SLC13A3: variants seen among roughly 807,000 people sequenced by gnomAD.
The protein encoded by SLC13A3 is solute carrier family 13 member 3, also known as Na(+)/dicarboxylate cotransporter 3.
SLC13A3 carries 40 observed loss-of-function variants against 59.0 expected under a neutral mutation model. The ratio of observed to expected loss-of-function variants is 0.68; its 90% CI spans 0.53 to 0.88. The LOEUF (loss-of-function observed/expected upper bound fraction) is 0.88, where lower values mean the gene tolerates loss of function less well. SLC13A3 is among the 40% of genes least tolerant of loss of function. The pLI, the probability that SLC13A3 is intolerant of heterozygous loss-of-function variation, is 0.00. For missense variants in SLC13A3, 699 were observed against 783.2 expected, an observed-to-expected ratio of 0.89 and a Z score of 1.28; for synonymous variants, 317 against 330.3, an observed-to-expected ratio of 0.96 and a Z score of 0.44.
In SLC13A3 at chr20:46,613,445, A is replaced by C; in HGVS notation, c.377+15T>G. 6.4e-7 allele frequency: 1 copy of C among 1,565,676 alleles called. No individual in the cohort carries two copies. Among genetic ancestry groups the C allele is most frequent in the South Asian group, 1.2e-5 (1 of 81,974 alleles). On this transcript the variant is annotated intron_variant, in intron 2 of 12. Coordinates refer to ENST00000279027, the MANE Select transcript of SLC13A3 (RefSeq NM_022829.6). ...GCCTCTCCGCTGTAGGGCTGGAACC[A>C]TTACCTGTTCTTACCTGGCCGGCTG...
chr20:46,607,441 T>A (rs1019127005), intron 3 of SLC13A3, among the ~76,000 whole-genome samples: 4 of 152,144 alleles, frequency 2.6e-5, no homozygotes, highest in African/African-American at 9.7e-5. Flanking sequence ...AGGGAATAGC[T>A]CTCTTTGTAC....
intron 1 of SLC13A3, among the ~76,000 whole-genome samples, chr20:46,659,847 T>C (rs2063018450): frequency 6.6e-6 from 1 of 152,162 alleles, no homozygotes; most frequent in Non-Finnish European, 1.5e-5. Context: ...TTGTGTATTC[T>C]ATAAACCCAA....
At chr20:46,584,326 G>A in intron 8 of SLC13A3, 1 of 985,380 alleles carries the variant, frequency 1.0e-6, no homozygotes, top group South Asian at 4.7e-5. Flanking sequence ...ATACAACCAA[G>A]ATACCCTGTA....
At chr20:46,653,666 T>C (rs1386048848), upstream of SLC13A3, among the ~76,000 whole-genome samples, 1 of 152,218 alleles carries the variant, frequency 6.6e-6, no homozygotes, top group Non-Finnish European at 1.5e-5. Flanking sequence ...TCTGTCTCTA[T>C]AAATTTGATT....
chr20:46,634,015 T>C (rs182647387), intron 1 of SLC13A3, among the ~76,000 whole-genome samples: 2 of 152,306 alleles, frequency 1.3e-5, no homozygotes, highest in South Asian at 2.1e-4. Flanking sequence ...AGGGCCCTAG[T>C]CCTGATCTTA....
At chr20:46,616,583 A>G (rs1235020409) in intron 1 of SLC13A3, among the ~76,000 whole-genome samples, 1 of 152,210 alleles carries the variant, frequency 6.6e-6, no homozygotes, top group Non-Finnish European at 1.5e-5. Context: ...TTTGTTGGAA[A>G]AGCCTCAATG....
intron 1 of SLC13A3, chr20:46,682,063 T>C (rs1354798644): frequency 6.6e-6 from 1 of 152,166 alleles, no homozygotes; most frequent in Non-Finnish European, 1.5e-5. Context: ...TGTAAGAACA[T>C]GGGCTCCTCC....
chr20:46,588,351 C>T (rs538530124), intron 7 of SLC13A3, among the ~76,000 whole-genome samples, 188 bp from the exon 8 acceptor site: 1 of 152,112 alleles, frequency 6.6e-6, no homozygotes, highest in African/African-American at 2.4e-5. Flanking sequence ...GTAAATGATT[C>T]CTGTCCTAGG....
intron 3 of SLC13A3, among the ~76,000 whole-genome samples, chr20:46,601,626 A>G (rs1338906843): frequency 3.9e-5 from 6 of 152,222 alleles, no homozygotes; most frequent in Admixed American, 3.3e-4. Flanking sequence ...CATGCCATGC[A>G]AAAGAACAAG....
intron 11 of SLC13A3, among the ~76,000 whole-genome samples, chr20:46,564,272 C>T (rs1395047898): frequency 6.6e-6 from 1 of 152,230 alleles, no homozygotes; most frequent in Non-Finnish European, 1.5e-5. Flanking sequence ...TCAAACCCCC[C>T]TATGAGCTGG....
chr20:46,632,659 C>T (rs1314605850), intron 1 of SLC13A3, among the ~76,000 whole-genome samples: 1 of 152,012 alleles, frequency 6.6e-6, no homozygotes, highest in Non-Finnish European at 1.5e-5. Flanking sequence ...AACTTTGTTC[C>T]TTGGTTTTCT....
chr20:46,613,344 G>A, intron 2 of SLC13A3, 116 bp downstream of exon 2: 1 of 455,568 alleles, frequency 2.2e-6, no homozygotes, highest in Non-Finnish European at 3.5e-6. Context: ...AATAAATGGT[G>A]GGAACCGATG....
intron 4 of SLC13A3, 75 bp from the exon 5 acceptor site, chr20:46,596,417 C>CT (rs1259045092): frequency 1.5e-6 from 2 of 1,353,846 alleles, no homozygotes; most frequent in African/African-American, 2.9e-5. Context: ...AGTTGGGGAG[C>CT]TAAGTGATCT....
chr20:46,633,608 C>T (rs2062765695), intron 1 of SLC13A3, among the ~76,000 whole-genome samples: 1 of 152,206 alleles, frequency 6.6e-6, no homozygotes, highest in Non-Finnish European at 1.5e-5. Flanking sequence ...AGTGCCATAC[C>T]ACTGCTATCT....
chr20:46,677,694 C>T (rs560075972), intron 1 of SLC13A3, among the ~76,000 whole-genome samples: 1 of 152,246 alleles, frequency 6.6e-6, no homozygotes. Context: ...AAATTCAATG[C>T]TCTCAGGGAC....
chr20:46,571,800 T>C (rs1361114916), intron 10 of SLC13A3, among the ~76,000 whole-genome samples: 2 of 152,022 alleles, frequency 1.3e-5, no homozygotes, highest in African/African-American at 4.8e-5. Context: ...AGGGCATTTC[T>C]GAGGGACTGA....
chr20:46,632,629 G>C (rs2062751329), intron 1 of SLC13A3, among the ~76,000 whole-genome samples: 1 of 152,166 alleles, frequency 6.6e-6, no homozygotes, highest in South Asian at 2.1e-4. Flanking sequence ...GAAGTCTATA[G>C]CTTCCAGAGC....
rs530996409 is a variant in SLC13A3 at position 46,561,593 on chromosome 20, C to T, written c.1633-1395G>A. 2.9e-3 allele frequency among the ~76,000 whole-genome samples: 444 copies of T among 151,664 alleles called. 3 individuals are homozygous for T. The highest frequency in any genetic ancestry group is 4.7e-3 in the Admixed American group (71 of 15,254). On this transcript the variant is annotated intron_variant, in intron 12 of 12. Transcript: ENST00000279027. ...CTGGCCATGGCATATATTAATAATA[C>T]CGGTTTTCCATTGATGGATGCACTG...
intron 11 of SLC13A3, among the ~76,000 whole-genome samples, chr20:46,564,560 G>T (rs542911559): frequency 6.6e-6 from 1 of 152,226 alleles, no homozygotes; most frequent in South Asian, 2.1e-4. Flanking sequence ...TCTATGCTCC[G>T]TCTCCGTCCC....
Sources: allele counts gnomAD v4.1 joint callset (sites outside exome capture counted in the v4.1 genomes callset), GRCh38; gene constraint gnomAD v4.1.1; transcripts MANE v1.5; gene names NCBI Gene and HGNC (gene_info 2026-07-23, HGNC 2026-07-21).